RBFOX1: variants seen among roughly 807,000 people sequenced by gnomAD.
RBFOX1 encodes the protein RNA binding protein fox-1 homolog 1.
Under a neutral mutation model 57.7 loss-of-function variants are expected in RBFOX1, and 8 were observed. That is an observed-to-expected ratio of 0.14 (90% CI 0.08 to 0.25). The LOEUF (loss-of-function observed/expected upper bound fraction) is 0.25. RBFOX1 is among the 10% of genes least tolerant of loss of function. The pLI is 1.00. For missense variants in RBFOX1, 611 were observed against 548.5 expected (o/e 1.11, Z -1.14); for synonymous variants, 326 against 222.4 (o/e 1.47, Z -4.15).
chr16:6,941,337 TCC>T (rs2078470181), intron 3 of RBFOX1, among the ~76,000 whole-genome samples: 1 of 141,576 alleles, frequency 7.1e-6, no homozygotes, highest in Non-Finnish European at 1.5e-5. Flanking sequence ...CTTCCTTCCT[TCC>T]TTCCTTCCTT....
rs575953157 is a variant in RBFOX1 at position 5,981,858 on chromosome 16, G to A, written c.351+114523G>A. Among the ~76,000 whole-genome samples, 124 of 152,336 alleles carry A rather than the reference G, an allele frequency of 8.1e-4. 1 individual carries two copies. The highest frequency in any genetic ancestry group is 2.8e-3 in the African/African-American group (118 of 41,568). On this transcript the variant is annotated intron_variant, in intron 4 of 19. Coordinates refer to the RBFOX1 transcript ENST00000641259. Reference sequence around the variant, plus strand: ...TGGGATATTTTTGGCTGTCAGAATAGGGGAGCTGCTACTTGTGTTTAGCGG... The same window carrying A: ...TGGGATATTTTTGGCTGTCAGAATAAGGGAGCTGCTACTTGTGTTTAGCGG...
At chr16:6,976,699 A>T (rs934225365) in intron 3 of RBFOX1, among the ~76,000 whole-genome samples, 2 of 148,494 alleles carry the variant, frequency 1.3e-5, no homozygotes. Flanking sequence ...TATAGCATAC[A>T]TATCATATAG....
intron 5 of RBFOX1, among the ~76,000 whole-genome samples, chr16:7,523,242 T>A (rs1162996144): frequency 6.6e-6 from 1 of 152,210 alleles, no homozygotes; most frequent in Non-Finnish European, 1.5e-5. Flanking sequence ...TACCTACACA[T>A]GGGCATTTGG....
chr16:7,295,299 C>G (rs1368402680), intron 4 of RBFOX1, among the ~76,000 whole-genome samples: 1 of 152,136 alleles, frequency 6.6e-6, no homozygotes, highest in East Asian at 1.9e-4. Context: ...AAAATTGTAT[C>G]TGAAGTTAGT....
intron 3 of RBFOX1, among the ~76,000 whole-genome samples, chr16:6,993,444 G>C (rs958237123): frequency 6.6e-6 from 1 of 152,124 alleles, no homozygotes; most frequent in African/African-American, 2.4e-5. Flanking sequence ...TGCTGGCTGA[G>C]GGATCCATCA....
At chr16:6,868,009 C>G (rs563956921) in intron 3 of RBFOX1, among the ~76,000 whole-genome samples, 2 of 152,248 alleles carry the variant, frequency 1.3e-5, no homozygotes, top group South Asian at 2.1e-4. Flanking sequence ...GAAGCTGAAA[C>G]TACTATACTT....
intron 9 of RBFOX1, among the ~76,000 whole-genome samples, chr16:7,601,813 T>A (rs1403101383): frequency 6.6e-6 from 1 of 152,202 alleles, no homozygotes; most frequent in African/African-American, 2.4e-5. Flanking sequence ...TCTACCGATG[T>A]TTCAAGAGAA....
At chr16:7,655,259 T>C (rs1350138104) in intron 12 of RBFOX1, among the ~76,000 whole-genome samples, 2 of 152,272 alleles carry the variant, frequency 1.3e-5, no homozygotes, top group East Asian at 3.9e-4. Context: ...GGTAAAACCA[T>C]CAGAGAAGGG....
chr16:7,665,076 G>T, intron 13 of RBFOX1, 108 bp downstream of exon 13: 1 of 1,603,004 alleles, frequency 6.2e-7, no homozygotes, highest in Non-Finnish European at 8.5e-7. Context: ...TCTCTCCTTG[G>T]TCTGTAGGAA....
intron 3 of RBFOX1, among the ~76,000 whole-genome samples, chr16:6,923,610 T>A (rs1340795372): frequency 6.6e-6 from 1 of 152,066 alleles, no homozygotes; most frequent in Non-Finnish European, 1.5e-5. Flanking sequence ...CAGGGTGGAA[T>A]GGGATGGAGA....
chr16:5,935,295 G>A lies in RBFOX1; in HGVS notation c.351+67960G>A, dbSNP rs1288474692. ...TTACTCATGTTCCCAAGAGTAGGGGGCAGGCCATGCCACATGGGGCCACAT... is the reference window on the plus strand; with the variant it reads ...TTACTCATGTTCCCAAGAGTAGGGGACAGGCCATGCCACATGGGGCCACAT... On this transcript the variant is annotated intron_variant, in intron 4 of 19. Coordinates refer to the RBFOX1 transcript ENST00000641259. Among the ~76,000 whole-genome samples, 3 of 152,194 alleles carry A rather than the reference G, an allele frequency of 2.0e-5. No homozygotes were observed. In the East Asian group the frequency reaches 5.8e-4, roughly 29 times the overall value.
At chr16:6,313,108 C>T (rs1030854386) in intron 1 of RBFOX1, among the ~76,000 whole-genome samples, 5 of 152,124 alleles carry the variant, frequency 3.3e-5, no homozygotes, top group Non-Finnish European at 7.3e-5. Flanking sequence ...GCATGCCAGG[C>T]ATCCCTGTGG....
chr16:7,687,098 C>T (rs1375504073), intron 14 of RBFOX1, among the ~76,000 whole-genome samples: 1 of 151,978 alleles, frequency 6.6e-6, no homozygotes, highest in Non-Finnish European at 1.5e-5. Context: ...GGTGTAGGAC[C>T]TTTGAGAGCT....
At chr16:6,433,834 CT>C (rs1166915453) in intron 2 of RBFOX1, among the ~76,000 whole-genome samples, 1 of 145,834 alleles carries the variant, frequency 6.9e-6, no homozygotes, top group Non-Finnish European at 1.5e-5. Context: ...GCTCCAACCT[CT>C]TTTCATTTTT....
At chr16:6,419,585 C>A (rs541353045) in intron 2 of RBFOX1, among the ~76,000 whole-genome samples, 1 of 152,142 alleles carries the variant, frequency 6.6e-6, no homozygotes, top group Non-Finnish European at 1.5e-5. Context: ...AGAGTGGGCC[C>A]CGTGCCAATT....
intron 4 of RBFOX1, among the ~76,000 whole-genome samples, chr16:7,149,794 A>G (rs1175307366): frequency 6.6e-6 from 1 of 152,060 alleles, no homozygotes; most frequent in Non-Finnish European, 1.5e-5. Context: ...TCCATTAAGT[A>G]ATGTCTAGCC....
chr16:7,536,072 G>T (rs566836316), intron 5 of RBFOX1, among the ~76,000 whole-genome samples: 5 of 152,262 alleles, frequency 3.3e-5, no homozygotes, highest in Admixed American at 1.3e-4. Flanking sequence ...CCAGCCATCT[G>T]TATCCACCAG....
chr16:5,823,992 C>A (rs1321893828), intron 3 of RBFOX1, among the ~76,000 whole-genome samples: 2 of 152,130 alleles, frequency 1.3e-5, no homozygotes, highest in Non-Finnish European at 2.9e-5. Flanking sequence ...AGGCTGGGAA[C>A]CACTGATCTA....
chr16:7,110,240 G>C (rs1393343881), intron 4 of RBFOX1, among the ~76,000 whole-genome samples: 4 of 151,432 alleles, frequency 2.6e-5, no homozygotes, highest in African/African-American at 9.7e-5. Flanking sequence ...CCCTCGTGTA[G>C]TCCCAGCTTC....
Sources: allele counts gnomAD v4.1 joint callset (sites outside exome capture counted in the v4.1 genomes callset), GRCh38; gene constraint gnomAD v4.1.1; transcripts MANE v1.5; gene names NCBI Gene and HGNC (gene_info 2026-07-23, HGNC 2026-07-21).